RASSF5: variants seen among roughly 807,000 people sequenced by gnomAD.
The protein encoded by RASSF5 is ras association domain-containing protein 5.
In RASSF5, 25 loss-of-function variants were observed where a neutral mutation model predicts 40.5. That is an observed-to-expected ratio of 0.62 (90% confidence interval 0.45 to 0.86). The LOEUF (loss-of-function observed/expected upper bound fraction) is 0.86. RASSF5 is among the 40% of genes least tolerant of loss of function. The pLI is 0.00. For synonymous variants in RASSF5, 246 were observed against 252.4 expected (o/e 0.97, Z 0.24); for missense variants, 521 against 572.8 (o/e 0.91, Z 0.92).
intron 2 of RASSF5, among the ~76,000 whole-genome samples, chr1:206,549,066 A>G (rs1351243717): frequency 2.0e-5 from 3 of 151,954 alleles, no homozygotes; most frequent in African/African-American, 7.3e-5. Context: ...GGGTTTCACT[A>G]TGTTGGCCAG....
At chr1:206,553,749 G>A (rs533752552) in intron 2 of RASSF5, among the ~76,000 whole-genome samples, 36 of 152,296 alleles carry the variant, frequency 2.4e-4, no homozygotes, top group Admixed American at 1.8e-3. Flanking sequence ...AAAGGAAGAC[G>A]GGGGCATAGT....
intron 2 of RASSF5, among the ~76,000 whole-genome samples, chr1:206,554,950 G>A (rs1299893133): frequency 2.0e-5 from 3 of 152,230 alleles, no homozygotes; most frequent in African/African-American, 7.2e-5. Context: ...GGTAGGGAAA[G>A]AGACATTAAC....
At chr1:206,521,468 G>A (rs115979931) in intron 1 of RASSF5, among the ~76,000 whole-genome samples, 4 of 152,252 alleles carry the variant, frequency 2.6e-5, no homozygotes, top group African/African-American at 9.6e-5. Context: ...TGACCTCCTG[G>A]CACTAGAACT....
At chr1:206,553,026 A>C (rs1667885120) in intron 2 of RASSF5, among the ~76,000 whole-genome samples, 1 of 152,088 alleles carries the variant, frequency 6.6e-6, no homozygotes, top group African/African-American at 2.4e-5. Context: ...ACACAGTGAA[A>C]CCCTGTCTCT....
At chr1:206,519,942 A>G (rs1407980864) in intron 1 of RASSF5, among the ~76,000 whole-genome samples, 1 of 152,172 alleles carries the variant, frequency 6.6e-6, no homozygotes, top group South Asian at 2.1e-4. Context: ...TTGGACACCG[A>G]GTTGCTCAAT....
intron 2 of RASSF5, among the ~76,000 whole-genome samples, chr1:206,561,262 C>A (rs894047155): frequency 6.6e-6 from 1 of 152,212 alleles, no homozygotes; most frequent in Admixed American, 6.5e-5. Flanking sequence ...AGGACTAACA[C>A]CCCTCCAGGA....
chr1:206,568,653 A>G (rs1373298583), intron 2 of RASSF5, among the ~76,000 whole-genome samples: 1 of 152,102 alleles, frequency 6.6e-6, no homozygotes, highest in African/African-American at 2.4e-5. Context: ...GGAGGTGGAG[A>G]GAGCTCCCGC....
chr1:206,521,106 G>A (rs1429379722), intron 1 of RASSF5, among the ~76,000 whole-genome samples: 6 of 152,168 alleles, frequency 3.9e-5, no homozygotes, highest in African/African-American at 7.2e-5. Flanking sequence ...TTAGCCCACC[G>A]GGTATCTTTA....
intron 2 of RASSF5, among the ~76,000 whole-genome samples, chr1:206,570,509 T>TTACCAATTAAACAGTAACTCCC (rs1668416469): frequency 6.6e-6 from 1 of 152,070 alleles, no homozygotes; most frequent in South Asian, 2.1e-4. Flanking sequence ...CTGAAACTCC[T>TTACCAATTAAACAGTAACTCCC]TACCAATTAA....
intron 1 of RASSF5, among the ~76,000 whole-genome samples, chr1:206,523,120 C>G (rs1361337114): frequency 6.6e-6 from 1 of 151,486 alleles, no homozygotes; most frequent in South Asian, 2.1e-4. Flanking sequence ...GCCTGGCCAA[C>G]ATGGTGAAAC....
intron 1 of RASSF5, among the ~76,000 whole-genome samples, chr1:206,537,458 C>G (rs1667445148): frequency 6.6e-6 from 1 of 152,202 alleles, no homozygotes; most frequent in Non-Finnish European, 1.5e-5. Context: ...TTTAATTCTT[C>G]AAGATATGTC....
chr1:206,528,943 A>G, intron 1 of RASSF5: 1 of 632,244 alleles, frequency 1.6e-6, no homozygotes, highest in South Asian at 2.0e-5. Flanking sequence ...GCCAAGGGGA[A>G]GAAGGTGGCT....
In RASSF5 at chr1:206,513,739, G is replaced by A. The variant is rs1024480695; in HGVS notation, c.457+5680G>A. The stretch of plus-strand genomic sequence containing the variant: ...TGGCAAGCCTTTCTCCACATGTTCC[G>A]GGCTGGATCTCAGGGTCGGAAGGGG... On this transcript the variant is annotated intron_variant, in intron 1 of 5. Transcript: ENST00000579436. The surrounding 1 kb of genome is among the most constrained non-coding windows in gnomAD (Gnocchi z 5.0). Among the ~76,000 whole-genome samples, 3 of 152,160 alleles carry A rather than the reference G, an allele frequency of 2.0e-5. No homozygotes were observed. The highest frequency in any genetic ancestry group is 2.1e-4 in the South Asian group (1 of 4,832).
intron 1 of RASSF5, among the ~76,000 whole-genome samples, chr1:206,510,124 T>A (rs925627354): frequency 1.3e-5 from 2 of 152,356 alleles, no homozygotes; most frequent in East Asian, 3.8e-4. Context: ...GATGTGCAGA[T>A]GAGGGCTGGC....
chr1:206,573,192 G>A (rs1668511311), intron 2 of RASSF5, among the ~76,000 whole-genome samples: 1 of 152,178 alleles, frequency 6.6e-6, no homozygotes, highest in Non-Finnish European at 1.5e-5. Flanking sequence ...TCCGTGTGGT[G>A]GCTCATGCCT....
chr1:206,538,330 C>T (rs1553398949), intron 2 of RASSF5, 37 bp downstream of exon 2: 8 of 1,608,516 alleles, frequency 5.0e-6, no homozygotes, highest in Non-Finnish European at 6.8e-6. Flanking sequence ...CTGGGAACAG[C>T]CTCTGCAGGT....
chr1:206,556,986 G>A (rs1285567910), intron 2 of RASSF5, among the ~76,000 whole-genome samples: 1 of 152,138 alleles, frequency 6.6e-6, no homozygotes, highest in Non-Finnish European at 1.5e-5. Flanking sequence ...AGAACAGAGG[G>A]AATGTTCCCC....
chr1:206,571,571 CCACTAA>C (rs1668450861), intron 2 of RASSF5: 1 of 152,130 alleles, frequency 6.6e-6, no homozygotes, highest in Non-Finnish European at 1.5e-5. Context: ...CAGGCTTGTA[CCACTAA>C]CACTAACGTA....
At chr1:206,543,303 T>C (rs1667591873) in intron 2 of RASSF5, 1 of 151,376 alleles carries the variant, frequency 6.6e-6, no homozygotes, top group Non-Finnish European at 1.5e-5. Flanking sequence ...TCGAGGCCAC[T>C]CTCTTTGGCC....
Sources: allele counts gnomAD v4.1 joint callset (sites outside exome capture counted in the v4.1 genomes callset), GRCh38; gene constraint gnomAD v4.1.1; non-coding constraint Gnocchi (gnomAD v3.1); transcripts MANE v1.5; gene names NCBI Gene and HGNC (gene_info 2026-07-23, HGNC 2026-07-21).